FAM193A: variants seen among roughly 807,000 people sequenced by gnomAD.
FAM193A encodes the protein protein FAM193A.
In FAM193A, 22 loss-of-function variants were observed where a neutral mutation model predicts 126.5. The observed-to-expected ratio is 0.17, with a 90% CI of 0.12 to 0.25. The LOEUF is 0.25. FAM193A is among the 10% of genes least tolerant of loss of function. The pLI, the probability that FAM193A is intolerant of heterozygous loss-of-function variation, is 1.00. For missense variants in FAM193A, 1,675 were observed against 1,672.8 expected, an observed-to-expected ratio of 1.00 and a Z score of -0.02; for synonymous variants, 761 against 646.8, an observed-to-expected ratio of 1.18 and a Z score of -2.68.
chr4:2,730,132 G>A (rs1317411465), intron 20 of FAM193A, among the ~76,000 whole-genome samples: 13 of 151,498 alleles, frequency 8.6e-5, no homozygotes, highest in Admixed American at 5.3e-4. Flanking sequence ...GGTCTCAAAC[G>A]CCTGGGTTCA....
At chr4:2,620,860 T>TAAAAAAAAAA (rs1742505884) in intron 2 of FAM193A, among the ~76,000 whole-genome samples, 1 of 113,886 alleles carries the variant, frequency 8.8e-6, no homozygotes, top group African/African-American at 3.9e-5. Flanking sequence ...AAAAAAAAAG[T>TAAAAAAAAAA]AATTAACAAG....
intron 7 of FAM193A, 43 bp downstream of exon 7, chr4:2,646,875 G>A: frequency 6.4e-7 from 1 of 1,567,028 alleles, no homozygotes; most frequent in Non-Finnish European, 8.6e-7. Flanking sequence ...CACATCCTCA[G>A]ACGGCCCTGT....
At chr4:2,711,669 C>T (rs1718989620) in intron 19 of FAM193A, among the ~76,000 whole-genome samples, 1 of 151,002 alleles carries the variant, frequency 6.6e-6, no homozygotes, top group Non-Finnish European at 1.5e-5. Flanking sequence ...AAATTCTGGG[C>T]TGGGCGCTAT....
At chr4:2,635,830 A>T (rs1408127249) in intron 5 of FAM193A, among the ~76,000 whole-genome samples, 3 of 152,234 alleles carry the variant, frequency 2.0e-5, no homozygotes, top group Middle Eastern at 6.8e-3. Flanking sequence ...GAGCCAGCGC[A>T]CCCGGCCAAC....
chr4:2,646,827 G>A lies in FAM193A; in HGVS notation c.1306G>A (p.Glu436Lys), dbSNP rs527866444. The change falls in exon 7 of 21, where the codon GAG (glutamate) becomes AAG (lysine). Residue 436 changes from glutamate (E) to lysine (K), a missense_variant. By Grantham distance (56) the Glu-to-Lys change is moderately conservative (BLOSUM62 1). This residue lies in a region of FAM193A where 1,186 missense variants were observed against 1,109.2 expected (regional missense o/e 1.07). Transcript: ENST00000637812. ...CQKRIDAYVDEQMTMKTKQRM... is the reference protein window; with the variant it reads ...CQKRIDAYVDKQMTMKTKQRM... Reference sequence around the variant, plus strand: ...GAAGAGGATCGACGCCTATGTCGACGAGCAGGTGAGTGCCACCCGGGACCA... The same window carrying A: ...GAAGAGGATCGACGCCTATGTCGACAAGCAGGTGAGTGCCACCCGGGACCA... 39 of 1,611,680 alleles carry A rather than the reference G, an allele frequency of 2.4e-5. No individual in the cohort carries two copies. The highest frequency in any genetic ancestry group is 8.4e-5 in the Admixed American group (5 of 59,754).
intron 5 of FAM193A, among the ~76,000 whole-genome samples, chr4:2,634,636 A>G (rs1255395101): frequency 6.6e-6 from 1 of 152,258 alleles, no homozygotes; most frequent in African/African-American, 2.4e-5. Context: ...TATCAAAACT[A>G]GAAACAAAAA....
At chr4:2,594,155 G>C (rs1314927631) in intron 1 of FAM193A, among the ~76,000 whole-genome samples, 2 of 152,084 alleles carry the variant, frequency 1.3e-5, no homozygotes, top group African/African-American at 2.4e-5. Context: ...TTTGAGTCTT[G>C]CTGGTATTGT....
chr4:2,635,927 T>C (rs1744043043), intron 5 of FAM193A, among the ~76,000 whole-genome samples: 1 of 152,192 alleles, frequency 6.6e-6, no homozygotes. Context: ...CAGTCTGTTG[T>C]CATAGGTTGT....
At chr4:2,597,806 C>A (rs1162229254) in intron 2 of FAM193A, among the ~76,000 whole-genome samples, 4 of 152,064 alleles carry the variant, frequency 2.6e-5, no homozygotes, top group African/African-American at 9.7e-5. Context: ...TGTTCACTAC[C>A]ACAGCTAAGC....
chr4:2,593,157 C>G (rs914957481), intron 1 of FAM193A, among the ~76,000 whole-genome samples: 2 of 152,168 alleles, frequency 1.3e-5, no homozygotes, highest in Non-Finnish European at 2.9e-5. Context: ...CCTAGCTCTT[C>G]TCCTCCTCTC....
intron 1 of FAM193A, among the ~76,000 whole-genome samples, chr4:2,580,997 C>T (rs1005918556): frequency 7.2e-5 from 11 of 151,872 alleles, no homozygotes; most frequent in South Asian, 2.1e-4. Flanking sequence ...GGTGTGGTGG[C>T]GGGCACCTGT....
chr4:2,664,916 A>G (rs1157551744), intron 12 of FAM193A, among the ~76,000 whole-genome samples: 1 of 152,122 alleles, frequency 6.6e-6, no homozygotes, highest in East Asian at 1.9e-4. Context: ...GCATTCCCAT[A>G]TAAATTTTAG....
intron 1 of FAM193A, among the ~76,000 whole-genome samples, chr4:2,547,036 G>C (rs1737604296): frequency 6.6e-6 from 1 of 152,106 alleles, no homozygotes; most frequent in Admixed American, 6.6e-5. Flanking sequence ...TACTGGTCTG[G>C]CCTCCCGAAG....
At chr4:2,706,886 C>G (rs1366014950) in intron 19 of FAM193A, among the ~76,000 whole-genome samples, 2 of 149,766 alleles carry the variant, frequency 1.3e-5, no homozygotes, top group East Asian at 3.9e-4. Flanking sequence ...TTTGGGAGGC[C>G]TGGGCAGGCG....
intron 1 of FAM193A, among the ~76,000 whole-genome samples, chr4:2,554,723 A>T (rs1578585481): frequency 6.6e-6 from 1 of 152,216 alleles, no homozygotes; most frequent in East Asian, 1.9e-4. Flanking sequence ...CTTACAGTTT[A>T]TTTAGCTTTT....
chr4:2,634,952 G>A (rs965902096), intron 5 of FAM193A, among the ~76,000 whole-genome samples: 3 of 152,150 alleles, frequency 2.0e-5, no homozygotes, highest in African/African-American at 7.2e-5. Context: ...ACTTCATTAT[G>A]CCTTCTTTTT....
chr4:2,674,248 C>A (rs1268940018), intron 13 of FAM193A, among the ~76,000 whole-genome samples: 1 of 152,200 alleles, frequency 6.6e-6, no homozygotes, highest in African/African-American at 2.4e-5. Flanking sequence ...CCAGGTCTTA[C>A]AAGATTAGTT....
In FAM193A at chr4:2,660,069, T is replaced by C. The variant is rs1560533781; in HGVS notation, c.1745+15T>C. ...GCACCAACTTTGTAAGTTGTGACTT[T>C]GTAATAAAGTTTCCGAAATTTAAGT... On this transcript the variant is annotated intron_variant, in intron 10 of 20. Coordinates refer to ENST00000637812, the MANE Select transcript of FAM193A (RefSeq NM_001366318.2). 6 of 1,610,222 alleles carry C rather than the reference T, an allele frequency of 3.7e-6. No homozygotes were observed. The highest frequency in any genetic ancestry group is 5.1e-6 in the Non-Finnish European group (6 of 1,177,010).
At chr4:2,714,371 C>T (rs1037477650) in intron 19 of FAM193A, among the ~76,000 whole-genome samples, 4 of 152,134 alleles carry the variant, frequency 2.6e-5, no homozygotes, top group African/African-American at 4.8e-5. Flanking sequence ...CCAGTCACAT[C>T]CGCTATTCTG....
Sources: gnomAD v4.1 joint callset for allele counts (sites outside exome capture counted in the v4.1 genomes callset) on GRCh38, gnomAD v4.1.1 for gene constraint, gnomAD v4.1.1 regional missense constraint, MANE v1.5 for transcripts, NCBI Gene and HGNC (gene_info 2026-07-23, HGNC 2026-07-21) for gene names.